Variants in OTUD7A observed in about 807,000 individuals in gnomAD.
OTUD7A encodes the protein OTU domain-containing protein 7A.
Under a neutral mutation model 65.7 loss-of-function variants are expected in OTUD7A, and 12 were observed. The ratio of observed to expected loss-of-function variants is 0.18; its 90% CI spans 0.12 to 0.30. The LOEUF is 0.30. Among genes scored for constraint, OTUD7A ranks in the 10% least tolerant of loss-of-function variants. The probability of loss-of-function intolerance (pLI) is 1.00; values close to 1 mark genes in which losing one functional copy is unlikely to be tolerated. For missense variants in OTUD7A, 1,148 were observed against 1,304.8 expected, an observed-to-expected ratio of 0.88 and a Z score of 1.85; for synonymous variants, 641 against 586.3, an observed-to-expected ratio of 1.09 and a Z score of -1.35.
chr15:31,799,439 T>C (rs1896060775), intron 1 of OTUD7A, among the ~76,000 whole-genome samples: 2 of 152,154 alleles, frequency 1.3e-5, no homozygotes, highest in Admixed American at 1.3e-4. Context: ...TGCCTGCATG[T>C]GGAGGTGGGG....
chr15:31,766,949 G>A, intron 1 of OTUD7A: 1 of 1,611,574 alleles, frequency 6.2e-7, no homozygotes, highest in Admixed American at 1.7e-5. Context: ...TTAGAGGATA[G>A]ATCACGCATA....
At chr15:31,571,609 G>A (rs148490511) in intron 3 of OTUD7A, among the ~76,000 whole-genome samples, 1,633 of 152,200 alleles carry the variant, frequency 0.011, 18 homozygotes, top group Non-Finnish European at 0.017. Context: ...TTCTTATGAG[G>A]GTTAAATGAG....
intron 3 of OTUD7A, among the ~76,000 whole-genome samples, chr15:31,632,929 C>T (rs1041686574): frequency 3.9e-5 from 6 of 152,214 alleles, no homozygotes; most frequent in African/African-American, 7.2e-5. Context: ...GAGCCAGATG[C>T]GGGATATAAT....
intron 1 of OTUD7A, among the ~76,000 whole-genome samples, chr15:31,666,088 T>C (rs1892312635): frequency 1.3e-5 from 2 of 152,150 alleles, no homozygotes; most frequent in African/African-American, 4.8e-5. Context: ...TTAGCATCTA[T>C]GTTCAGCAAG....
intron 1 of OTUD7A, among the ~76,000 whole-genome samples, chr15:31,764,395 G>C (rs975381892): frequency 2.6e-5 from 4 of 152,038 alleles, no homozygotes; most frequent in African/African-American, 9.7e-5. Context: ...TGAGAAATGA[G>C]AATAGTCATT....
At chr15:31,807,406 A>T (rs1896299479) in intron 1 of OTUD7A, among the ~76,000 whole-genome samples, 1 of 152,218 alleles carries the variant, frequency 6.6e-6, no homozygotes, top group Admixed American at 6.5e-5. Context: ...GATGAACGTG[A>T]TCAATGACAT....
intron 1 of OTUD7A, among the ~76,000 whole-genome samples, chr15:31,783,228 A>G (rs1200779465): frequency 6.6e-6 from 1 of 152,216 alleles, no homozygotes; most frequent in Non-Finnish European, 1.5e-5. Flanking sequence ...GAAGAAATGG[A>G]AAATCAGAGC....
intron 3 of OTUD7A, among the ~76,000 whole-genome samples, chr15:31,648,096 T>C (rs750877644): frequency 1.3e-5 from 2 of 152,138 alleles, no homozygotes; most frequent in Non-Finnish European, 2.9e-5. Context: ...TTACCTGACT[T>C]GAATTTGTTT....
chr15:31,538,917 A>AT (rs1193615817), intron 5 of OTUD7A, among the ~76,000 whole-genome samples: 1 of 152,152 alleles, frequency 6.6e-6, no homozygotes, highest in Non-Finnish European at 1.5e-5. Flanking sequence ...TTTTTTCATT[A>AT]TATCACATGA....
At chr15:31,678,540 C>T (rs963076869) in intron 1 of OTUD7A, among the ~76,000 whole-genome samples, 1 of 152,198 alleles carries the variant, frequency 6.6e-6, no homozygotes, top group African/African-American at 2.4e-5. Flanking sequence ...GACTTGGTGC[C>T]CTGTGTCCCA....
chr15:31,587,028 C>T (rs1320427907), intron 3 of OTUD7A, among the ~76,000 whole-genome samples: 1 of 152,158 alleles, frequency 6.6e-6, no homozygotes, highest in East Asian at 1.9e-4. Flanking sequence ...TTGACTCACA[C>T]ATCCAGCTCC....
chr15:31,492,383 A>T (rs2041328230), intron 10 of OTUD7A, among the ~76,000 whole-genome samples: 1 of 152,212 alleles, frequency 6.6e-6, no homozygotes, highest in South Asian at 2.1e-4. Flanking sequence ...GTTCAAGATC[A>T]GCCTGGCCAA....
At chr15:31,682,483 A>T (rs934945236) in intron 1 of OTUD7A, among the ~76,000 whole-genome samples, 1 of 152,226 alleles carries the variant, frequency 6.6e-6, no homozygotes, top group African/African-American at 2.4e-5. Flanking sequence ...TTTAAGATGC[A>T]TTATAAACCT....
chr15:31,568,932 C>T (rs902119263), intron 4 of OTUD7A, among the ~76,000 whole-genome samples: 1 of 152,200 alleles, frequency 6.6e-6, no homozygotes, highest in Admixed American at 6.5e-5. Flanking sequence ...GATGCCAGCA[C>T]CATACTTCCT....
At chr15:31,869,570 T>C (rs1897970293) in intron 1 of OTUD7A, among the ~76,000 whole-genome samples, 1 of 152,250 alleles carries the variant, frequency 6.6e-6, no homozygotes, top group South Asian at 2.1e-4. Context: ...CCCTGGATCC[T>C]TGTGCTGTGG....
At chr15:31,825,433 C>T (rs1896775078) in intron 1 of OTUD7A, among the ~76,000 whole-genome samples, 1 of 152,182 alleles carries the variant, frequency 6.6e-6, no homozygotes, top group Non-Finnish European at 1.5e-5. Context: ...GACTTATTCA[C>T]TACCATGAGA....
intron 1 of OTUD7A, among the ~76,000 whole-genome samples, chr15:31,790,209 T>A (rs941770559): frequency 6.6e-6 from 1 of 152,136 alleles, no homozygotes; most frequent in Non-Finnish European, 1.5e-5. Flanking sequence ...GGCGTCAGGA[T>A]CCCTGCAGGG....
At chr15:31,841,569 T>C (rs189005320) in intron 1 of OTUD7A, among the ~76,000 whole-genome samples, 239 of 152,150 alleles carry the variant, frequency 1.6e-3, no homozygotes, top group African/African-American at 5.5e-3. Flanking sequence ...TGGCTGAGCA[T>C]AGCAAGAAAA....
intron 1 of OTUD7A, among the ~76,000 whole-genome samples, chr15:31,818,691 G>A (rs1896609346): frequency 6.6e-6 from 1 of 152,208 alleles, no homozygotes; most frequent in African/African-American, 2.4e-5. Context: ...GCTGACTGGG[G>A]ATGGACAACG....
Sources: allele counts gnomAD v4.1 joint callset (sites outside exome capture counted in the v4.1 genomes callset), GRCh38; gene constraint gnomAD v4.1.1; transcripts MANE v1.5; gene names NCBI Gene and HGNC (gene_info 2026-07-23, HGNC 2026-07-21).